Variants in OTOGL observed in about 807,000 individuals in gnomAD.
OTOGL encodes the protein otogelin like.
OTOGL carries 285 observed loss-of-function variants against 318.5 expected under a neutral mutation model. The observed-to-expected ratio is 0.89, with a 90% CI of 0.81 to 0.99. The LOEUF is 0.99. OTOGL is among the 50% of genes least tolerant of loss of function. The pLI is 0.00. For missense variants in OTOGL, 2,899 were observed against 2,845.6 expected (o/e 1.02, Z -0.43); for synonymous variants, 987 against 936.5 (o/e 1.05, Z -0.99).
At chr12:80,293,361 G>C (rs1885172868) in intron 26 of OTOGL, among the ~76,000 whole-genome samples, 2 of 152,140 alleles carry the variant, frequency 1.3e-5, no homozygotes, top group South Asian at 2.1e-4. Flanking sequence ...TAATTAGTTT[G>C]ATCACAAGAT....
chr12:80,329,667 C>T (rs577759289), intron 37 of OTOGL, among the ~76,000 whole-genome samples: 1 of 152,306 alleles, frequency 6.6e-6, no homozygotes, highest in East Asian at 1.9e-4. Flanking sequence ...AAGCTTGCCT[C>T]AGGGAAGGAT....
intron 4 of OTOGL, 78 bp downstream of exon 4, chr12:80,212,075 G>T: frequency 7.3e-7 from 1 of 1,373,676 alleles, no homozygotes; most frequent in South Asian, 1.3e-5. Flanking sequence ...CTTCAACAAT[G>T]AGACCTTTGT....
chr12:80,251,305 C>A (rs1008031285), intron 11 of OTOGL, among the ~76,000 whole-genome samples: 2 of 152,102 alleles, frequency 1.3e-5, no homozygotes, highest in African/African-American at 4.8e-5. Flanking sequence ...AGAATTTTAT[C>A]TGTTTTAACA....
intron 1 of OTOGL, among the ~76,000 whole-genome samples, chr12:80,150,201 T>C (rs1872698301): frequency 6.6e-6 from 1 of 152,354 alleles, no homozygotes; most frequent in South Asian, 2.1e-4. Flanking sequence ...GAAATCTCTC[T>C]AGAATATTTT....
chr12:80,217,140 AT>A (rs549999589), intron 4 of OTOGL, among the ~76,000 whole-genome samples: 1 of 149,304 alleles, frequency 6.7e-6, no homozygotes, highest in East Asian at 2.0e-4. Context: ...AGCCCCATGC[AT>A]TTTTTTTTTC....
chr12:80,172,136 T>G (rs1433926063), intron 1 of OTOGL, among the ~76,000 whole-genome samples: 1 of 152,182 alleles, frequency 6.6e-6, no homozygotes, highest in Non-Finnish European at 1.5e-5. Context: ...GTACCCTGTG[T>G]TCTAGCCATA....
rs77887592 is a variant in OTOGL, at chr12:80,236,459, A to G, written c.818-2392A>G. Among the ~76,000 whole-genome samples, 105 of 152,342 alleles carry G rather than the reference A, an allele frequency of 6.9e-4. 1 individual carries two copies. In the East Asian group the frequency reaches 0.02, roughly 29 times the overall value. On this transcript the variant is annotated intron_variant, in intron 9 of 58. Coordinates refer to ENST00000547103, the MANE Select transcript of OTOGL (RefSeq NM_001378609.3). ...CAACTTTTAGGACCCTTGATGCAGT[A>G]TAAAATAGCTAAATACTTGGTTCAA... is the stretch of plus-strand genomic sequence containing the variant.
In OTOGL at chr12:80,295,157, C is replaced by CTTTTTTTTTT. The variant is rs66786755; in HGVS notation, c.2929-1650_2929-1641dup. On this transcript the variant is annotated intron_variant, in intron 26 of 58. Transcript: ENST00000547103. Reference sequence around the variant, plus strand: ...AAACACAAACTGTATGATTGCCGAACTTTTTTTTTTTTTTTTTTTTTTTTT... The same window carrying CTTTTTTTTTT: ...AAACACAAACTGTATGATTGCCGAACTTTTTTTTTTTTTTTTTTTTTTTTTTTTTTTTTTT... Among the ~76,000 whole-genome samples, 102 of 98,918 alleles carry CTTTTTTTTTT rather than the reference C, an allele frequency of 1.0e-3. 10 individuals are homozygous for CTTTTTTTTTT. The highest frequency in any genetic ancestry group is 3.8e-3 in the African/African-American group (79 of 20,622). 64.9% of individuals were successfully genotyped at this position (98,918 alleles called of 152,430 possible). A position where few individuals can be genotyped will look rare whatever the true frequency, so the allele number is the denominator to read the frequency against.
chr12:80,251,372 C>T (rs1324234723), intron 11 of OTOGL, among the ~76,000 whole-genome samples: 30 of 152,012 alleles, frequency 2.0e-4, no homozygotes, highest in Non-Finnish European at 2.1e-4. Context: ...AAAAAATACA[C>T]GGATTATGGG....
intron 26 of OTOGL, among the ~76,000 whole-genome samples, chr12:80,293,179 A>G (rs1885160993): frequency 1.3e-5 from 2 of 151,436 alleles, no homozygotes; most frequent in Admixed American, 6.6e-5. Flanking sequence ...AGGTAAATTT[A>G]ATCTGTCTCT....
chr12:80,355,185 G>T (rs902459894), intron 46 of OTOGL, among the ~76,000 whole-genome samples: 5 of 148,992 alleles, frequency 3.4e-5, no homozygotes, highest in African/African-American at 1.2e-4. Flanking sequence ...TAAAAGGAAA[G>T]AAATTTTTCT....
At chr12:80,160,677 ATTCT>A (rs946470272) in intron 1 of OTOGL, among the ~76,000 whole-genome samples, 6 of 152,136 alleles carry the variant, frequency 3.9e-5, no homozygotes, top group Non-Finnish European at 8.8e-5. Context: ...CCGTGTGGAG[ATTCT>A]TTCAAGAACT....
At chr12:80,145,022 T>A (rs1391574741) in intron 1 of OTOGL, among the ~76,000 whole-genome samples, 1 of 151,586 alleles carries the variant, frequency 6.6e-6, no homozygotes, top group African/African-American at 2.4e-5. Flanking sequence ...TTCACTCTGA[T>A]GGTAGTTTCT....
chr12:80,326,385 T>G (rs146133069), intron 35 of OTOGL, among the ~76,000 whole-genome samples: 1 of 152,216 alleles, frequency 6.6e-6, no homozygotes, highest in East Asian at 1.9e-4. Flanking sequence ...ATTAAACTTA[T>G]CAGTTAGAAG....
chr12:80,259,147 CTA>C (rs753389196), intron 18 of OTOGL, among the ~76,000 whole-genome samples: 43 of 148,604 alleles, frequency 2.9e-4, no homozygotes, highest in African/African-American at 7.4e-4. Context: ...GATCAATCAA[CTA>C]TATATATATA....
rs564199710 is a variant in OTOGL, at chr12:80,207,351, G to A, written c.-19-2062G>A. 4.6e-5 allele frequency among the ~76,000 whole-genome samples: 7 copies of A among 152,098 alleles called. No homozygotes were observed. In the South Asian group the frequency reaches 1.0e-3, roughly 23 times the overall value. On this transcript the variant is annotated intron_variant, in intron 1 of 58. Transcript: ENST00000547103. The stretch of plus-strand genomic sequence containing the variant: ...TAAGTAGCTGGTATTACAGGTATGC[G>A]CCACCACTCCCAGCTATTTTGTTTT...
chr12:80,168,118 T>G (rs964270856), intron 1 of OTOGL, among the ~76,000 whole-genome samples: 1 of 151,868 alleles, frequency 6.6e-6, no homozygotes, highest in Non-Finnish European at 1.5e-5. Context: ...CCACCACACC[T>G]GGCTATTTTT....
At chr12:80,107,170 C>T (rs1014686571) in intron 1 of OTOGL, among the ~76,000 whole-genome samples, 4 of 152,096 alleles carry the variant, frequency 2.6e-5, no homozygotes, top group African/African-American at 4.8e-5. Flanking sequence ...AATTATCTCA[C>T]ACTTCATGAA....
At chr12:80,262,797 A>T (rs1392823407) in intron 19 of OTOGL, among the ~76,000 whole-genome samples, 1 of 152,222 alleles carries the variant, frequency 6.6e-6, no homozygotes, top group Non-Finnish European at 1.5e-5. Context: ...TATACAAGAC[A>T]TACACATGTA....
Sources: allele counts gnomAD v4.1 joint callset (sites outside exome capture counted in the v4.1 genomes callset), GRCh38; gene constraint gnomAD v4.1.1; transcripts MANE v1.5; gene names NCBI Gene and HGNC (gene_info 2026-07-23, HGNC 2026-07-21).